TFR2: variants seen among roughly 807,000 people sequenced by gnomAD.
TFR2 encodes the protein transferrin receptor 2, also known as transferrin receptor protein 2.
Under a neutral mutation model 91.9 loss-of-function variants are expected in TFR2, and 64 were observed. The ratio of observed to expected loss-of-function variants is 0.70; its 90% confidence interval spans 0.57 to 0.86. The LOEUF is 0.86. Among genes scored for constraint, TFR2 ranks in the 40% least tolerant of loss-of-function variants. The probability of loss-of-function intolerance (pLI) is 0.00; values close to 1 mark genes in which losing one functional copy is unlikely to be tolerated. For missense variants in TFR2, 950 were observed against 1,080.5 expected, an observed-to-expected ratio of 0.88 and a Z score of 1.69; for synonymous variants, 454 against 459.6, an observed-to-expected ratio of 0.99 and a Z score of 0.15.
At chr7:100,626,989 G>T in intron 16 of TFR2, 86 bp from the exon 17 acceptor site, 1 of 1,473,084 alleles carries the variant, frequency 6.8e-7, no homozygotes, top group South Asian at 1.3e-5. Context: ...GCCTAGCATG[G>T]GGAAGGGGGC....
In TFR2 at chr7:100,640,960, G is replaced by C. The variant is rs751298741; in HGVS notation, c.286+16C>G. On this transcript the variant is annotated intron_variant, in intron 2 of 17. Transcript: ENST00000223051. ...AGCCCAAGCCCTTCACTTCTGGGGAGGGGGACGGCTCTCACCCCCAGTGAA... is the reference window on the plus strand; with the variant it reads ...AGCCCAAGCCCTTCACTTCTGGGGACGGGGACGGCTCTCACCCCCAGTGAA... 2.5e-6 allele frequency: 4 copies of C among 1,612,716 alleles called. No individual in the cohort carries two copies. The Middle Eastern group carries it at 6.6e-4, about 266-fold the overall frequency.
In TFR2 at chr7:100,633,248, C is replaced by T; in HGVS notation, c.707G>A (p.Ser236Asn). 1 of 1,613,842 alleles carries T rather than the reference C, an allele frequency of 6.2e-7. No individual in the cohort carries two copies. Among genetic ancestry groups the T allele is most frequent in the Non-Finnish European group, 8.5e-7 (1 of 1,179,878 alleles). Residue 236 changes from serine to asparagine, a missense_variant, in exon 5 of 18, where the codon AGC (serine) becomes AAC (asparagine). Physicochemically the swap from Ser to Asn is conservative, Grantham distance 46 (BLOSUM62 1). Transcript: ENST00000223051. ...GCTCACCGTGACGTTGCCGATGGCG[C>T]TGTAGGGGCAGTAGACGTCAGGGTC... ...LEDPDVYCPYSAIGNVTGELV... is the reference protein window; with the variant it reads ...LEDPDVYCPYNAIGNVTGELV...
chr7:100,629,101 A>G (rs756825919), intron 10 of TFR2, 152 bp downstream of exon 10: 7 of 1,023,490 alleles, frequency 6.8e-6, no homozygotes, highest in Non-Finnish European at 1.1e-5. Context: ...AGGTGAAGTG[A>G]CTGGCCCAGG....
rs1398792897 is a variant in TFR2 at position 100,633,398 on chromosome 7, G to A, written c.614+18C>T. ...GCGTCCCCCTCCCCGCGCGCCCCCC[G>A]CCCGCGCGCGCACTCACGGATCCGG... On this transcript the variant is annotated intron_variant, in intron 4 of 17. Transcript: ENST00000223051. 2.5e-6 allele frequency: 4 copies of A among 1,602,272 alleles called. No individual in the cohort carries two copies. The highest frequency in any genetic ancestry group is 2.7e-5 in the African/African-American group (2 of 74,616).
chr7:100,633,491 C>G lies in TFR2; in HGVS notation c.539G>C (p.Arg180Pro). ...CAGCTTCTGGCGGGAGAGCGCCGCG[C>G]GAATGTCCTGAGTCAGAGCGGCCAT... ...AGMAALTQDI[R>P]AALSRQKLDH... Residue 180 changes from arginine (R) to proline (P), a missense_variant, in exon 4 of 18, where the codon CGC (arginine) becomes CCC (proline). Transcript: ENST00000223051. 1 of 1,611,930 alleles carries G rather than the reference C, an allele frequency of 6.2e-7. No individual in the cohort carries two copies. Among genetic ancestry groups the G allele is most frequent in the Middle Eastern group, 1.7e-4 (1 of 6,052 alleles).
rs925399626 is a variant in TFR2, at chr7:100,640,758, C to T, written c.401G>A (p.Arg134Lys). ...GGCCTGGAGGTCGCTCCAGTAGAGT[C>T]TGCCCTGGTGGAAATCCAGGTCAGG... is the stretch of plus-strand genomic sequence containing the variant. ...YEPDLDFHQG[R>K]LYWSDLQAMF... The change falls in exon 3 of 18, where the codon AGA (arginine) becomes AAA (lysine). Residue 134 changes from arginine to lysine, a missense_variant. By Grantham distance (26) the Arg-to-Lys change is conservative. Coordinates refer to ENST00000223051, the MANE Select transcript of TFR2 (RefSeq NM_003227.4). 6.2e-7 allele frequency: 1 copy of T among 1,614,106 alleles called. No homozygotes were observed. The highest frequency in any genetic ancestry group is 8.5e-7 in the Non-Finnish European group (1 of 1,180,014).
At chr7:100,635,585 A>C (rs1803559113) in intron 3 of TFR2, among the ~76,000 whole-genome samples, 1 of 151,866 alleles carries the variant, frequency 6.6e-6, no homozygotes, top group South Asian at 2.1e-4. Flanking sequence ...AGCTGGGATT[A>C]TAGGTGCCCG....
chr7:100,632,663 C>T (rs1803477563), intron 6 of TFR2: 13 of 351,748 alleles, frequency 3.7e-5, no homozygotes, highest in South Asian at 3.3e-4. Context: ...GATCCTCCCA[C>T]CGGAGCCTCC....
At chr7:100,630,775 A>G (rs1236782169) in intron 9 of TFR2, 114 bp downstream of exon 9, 4 of 1,466,282 alleles carry the variant, frequency 2.7e-6, no homozygotes, top group African/African-American at 2.8e-5. Context: ...TCTGGGCACC[A>G]CTCCTGTCCC....
intron 12 of TFR2, 37 bp downstream of exon 12, chr7:100,628,036 C>T (rs768160819): frequency 2.9e-5 from 46 of 1,613,848 alleles, no homozygotes; most frequent in Non-Finnish European, 3.4e-5. Flanking sequence ...CAAGGGTGGA[C>T]CCCAGGGGGC....
intron 3 of TFR2, among the ~76,000 whole-genome samples, chr7:100,639,255 T>C (rs1803642156): frequency 6.6e-6 from 1 of 152,122 alleles, no homozygotes; most frequent in South Asian, 2.1e-4. Flanking sequence ...TAATCCCAGC[T>C]ACTCAGGAGG....
In TFR2 at chr7:100,632,132, GGGA is replaced by G. The variant is rs1337508944; in HGVS notation, c.913_915del (p.Ser305del). 1.5e-5 allele frequency: 25 copies of G among 1,614,146 alleles called. No individual in the cohort carries two copies. The highest frequency in any genetic ancestry group is 2.1e-5 in the Non-Finnish European group (25 of 1,180,012). On this transcript the variant is annotated inframe_deletion, in exon 7 of 18. Transcript: ENST00000223051. ...GACAGGCTTGGCTTGGGTGGGTCCT[GGGA>G]GAAGTCCGCTGGCTCTGGGTATATG...
rs1367188734 is a variant in TFR2, at chr7:100,626,706, G to A, written c.2136+57C>T. 1.4e-5 allele frequency: 22 copies of A among 1,532,114 alleles called. No individual in the cohort carries two copies. The East Asian group carries it at 4.9e-4, about 34-fold the overall frequency. 94.9% of individuals were successfully genotyped at this position (1,532,114 alleles called of 1,614,324 possible). A position where few individuals can be genotyped will look rare whatever the true frequency, so the allele number is the denominator to read the frequency against. Reference sequence around the variant, plus strand: ...GCAGACGGGGCCAGGTCCAGGAGGTGGAGCCCCAGGGGAGGGGCGGGACAC... The same window carrying A: ...GCAGACGGGGCCAGGTCCAGGAGGTAGAGCCCCAGGGGAGGGGCGGGACAC... On this transcript the variant is annotated intron_variant, in intron 17 of 17. Coordinates refer to ENST00000223051, the MANE Select transcript of TFR2 (RefSeq NM_003227.4).
In TFR2 at chr7:100,640,829, C is replaced by A. The variant is rs542567285; in HGVS notation, c.330G>T (p.Ala110=). ...GYVAFRGSCQ[A]CGDSVLVVSE... ...TGACCACCAACACAGAGTCTCCGCACGCCTGGCAGGACCCTCGGAAGGCGA... is the reference window on the plus strand; with the variant it reads ...TGACCACCAACACAGAGTCTCCGCAAGCCTGGCAGGACCCTCGGAAGGCGA... The change falls in exon 3 of 18, where the codon GCG becomes GCT. Residue 110 remains alanine, a synonymous_variant. Transcript: ENST00000223051. The A allele has an allele frequency of 6.2e-7, 1 of 1,614,174 alleles. No individual in the cohort carries two copies. Among genetic ancestry groups the A allele is most frequent in the South Asian group, 1.1e-5 (1 of 91,088 alleles).
chr7:100,640,854 A>G lies in TFR2; in HGVS notation c.305T>C (p.Val102Ala). 6.2e-7 allele frequency: 1 copy of G among 1,614,074 alleles called. No homozygotes were observed. The highest frequency in any genetic ancestry group is 2.2e-5 in the East Asian group (1 of 44,870). Residue 102 changes from valine (V) to alanine (A), a missense_variant, in exon 3 of 18, where the codon GTC becomes GCC. Physicochemically the swap from Val to Ala is moderately conservative, Grantham distance 64. Coordinates refer to ENST00000223051, the MANE Select transcript of TFR2 (RefSeq NM_003227.4). ...CGCCTGGCAGGACCCTCGGAAGGCG[A>G]CGTAGCCCAGTAGGAAGGCTGGCGG... ...IFTGAFLLGY[V>A]AFRGSCQACG...
chr7:100,627,323 AG>A lies in TFR2; in HGVS notation c.1935del (p.Tyr646ThrfsTer24). 1 of 1,550,396 alleles carries A rather than the reference AG, an allele frequency of 6.4e-7. No homozygotes were observed. The highest frequency in any genetic ancestry group is 8.7e-7 in the Non-Finnish European group (1 of 1,146,984). ...ATGTGCCTGAGGACGACGTCCCCGT[AG>A]CGGCCGAAGTCGAGGGGCAGCAGGC... ...HDRLLPLDFG[R>X]YGDVVLRHIG... On this transcript the variant is annotated frameshift_variant, in exon 16 of 18. Transcript: ENST00000223051. LOFTEE classifies it high-confidence loss of function.
Position 100,620,652 on chromosome 7 carries a change from A to T in TFR2, c.*205T>A, listed in dbSNP as rs906873247. ...CTGATTAACCGACAGTATGACCGTC[A>T]CATTAGGGTCAGCTACACTGCAGGG... On this transcript the variant is annotated 3_prime_UTR_variant, in exon 18 of 18. Transcript: ENST00000223051. The T allele has an allele frequency of 7.9e-6, 5 of 630,984 alleles. 1 individual carries two copies. Among genetic ancestry groups the T allele is most frequent in the Middle Eastern group, 8.5e-4 (2 of 2,366 alleles). The allele number at this position is 630,984 out of a possible 1,614,324, so 39.1% of individuals were successfully genotyped here.
chr7:100,626,689 G>C (rs1453073223), intron 17 of TFR2, 74 bp downstream of exon 17: 4 of 1,527,612 alleles, frequency 2.6e-6, no homozygotes, highest in African/African-American at 1.4e-5. Context: ...GCGCAGACGG[G>C]GCCAGGTCCA....
intron 17 of TFR2, chr7:100,626,366 C>T: frequency 1.3e-6 from 1 of 785,820 alleles, no homozygotes; most frequent in Non-Finnish European, 1.5e-6. Flanking sequence ...TATCTTTAGC[C>T]TTCTGCACTT....
Sources: allele counts gnomAD v4.1 joint callset (sites outside exome capture counted in the v4.1 genomes callset), GRCh38; gene constraint gnomAD v4.1.1; transcripts MANE v1.5; gene names NCBI Gene and HGNC (gene_info 2026-07-23, HGNC 2026-07-21).